The following TENM3 variants were observed in gnomAD, a reference collection of about 807,000 sequenced individuals.
TENM3 encodes the protein teneurin-3.
In TENM3, 63 loss-of-function variants were observed where a neutral mutation model predicts 255.1. The ratio of observed to expected loss-of-function variants is 0.25; its 90% CI spans 0.20 to 0.30. The LOEUF (loss-of-function observed/expected upper bound fraction) is 0.30. TENM3 is among the 10% of genes least tolerant of loss of function. The pLI is 1.00. For missense variants in TENM3, 2,929 were observed against 3,461.1 expected (o/e 0.85, Z 3.86); for synonymous variants, 1,306 against 1,322.3 (o/e 0.99, Z 0.27).
intron 3 of TENM3, among the ~76,000 whole-genome samples, chr4:182,386,628 G>A (rs977688749): frequency 3.4e-5 from 5 of 148,050 alleles, no homozygotes; most frequent in Admixed American, 2.9e-4. Flanking sequence ...CCGGGTGGGC[G>A]TGGGCTTGGC....
At chr4:181,873,026 G>C in the TENM3 span, among the ~76,000 whole-genome samples, 1 of 151,562 alleles carries the variant, frequency 6.6e-6, no homozygotes, top group Admixed American at 6.6e-5. Flanking sequence ...TACTTAGGAG[G>C]TAATTAAAAT....
intron 24 of TENM3, among the ~76,000 whole-genome samples, chr4:182,785,801 G>T (rs530994809): frequency 1.4e-5 from 2 of 143,684 alleles, no homozygotes; most frequent in East Asian, 4.4e-4. Flanking sequence ...GACTTGAAAA[G>T]TTGCCCTGAC....
chr4:181,511,851 G>C, the TENM3 span, among the ~76,000 whole-genome samples: 3 of 152,066 alleles, frequency 2.0e-5, no homozygotes, highest in South Asian at 4.1e-4. Flanking sequence ...ATTTCCAAAA[G>C]AAAGGCTTAA....
chr4:181,477,044 A>G, the TENM3 span, among the ~76,000 whole-genome samples: 6 of 150,064 alleles, frequency 4.0e-5, no homozygotes, highest in African/African-American at 1.2e-4. Context: ...AATTTGCTCA[A>G]GAGAAGAAAG....
the TENM3 span, among the ~76,000 whole-genome samples, chr4:181,870,820 T>TGA: frequency 2.6e-4 from 39 of 152,232 alleles, no homozygotes; most frequent in African/African-American, 8.9e-4. Flanking sequence ...ATGACATTGA[T>TGA]CAATATTTTC....
intron 2 of TENM3, among the ~76,000 whole-genome samples, chr4:182,346,051 C>T (rs1561346653): frequency 1.4e-5 from 2 of 147,578 alleles, no homozygotes; most frequent in Non-Finnish European, 3.0e-5. Flanking sequence ...TATACACCCA[C>T]CCCACACACA....
the TENM3 span, among the ~76,000 whole-genome samples, chr4:181,627,909 T>C: frequency 1.3e-5 from 2 of 152,174 alleles, no homozygotes; most frequent in Non-Finnish European, 2.9e-5. Flanking sequence ...GAGGAATCCC[T>C]GCACTGTCTT....
chr4:181,757,136 T>C, the TENM3 span, among the ~76,000 whole-genome samples: 94 of 152,152 alleles, frequency 6.2e-4, no homozygotes, highest in Non-Finnish European at 1.2e-3. Context: ...TTGTCAACAG[T>C]TTCTTGAAAA....
intron 3 of TENM3, among the ~76,000 whole-genome samples, chr4:182,544,991 C>T (rs577710617): frequency 2.3e-4 from 35 of 152,282 alleles, no homozygotes; most frequent in Middle Eastern, 3.4e-3. Flanking sequence ...ATATTGAAAA[C>T]GTACATGCTG....
chr4:181,754,563 A>G, the TENM3 span, among the ~76,000 whole-genome samples: 1 of 152,182 alleles, frequency 6.6e-6, no homozygotes, highest in East Asian at 1.9e-4. Context: ...GAACATTTCA[A>G]TAGAAAGTGC....
At chr4:181,820,060 T>C in the TENM3 span, 1 of 151,588 alleles carries the variant, frequency 6.6e-6, no homozygotes, top group South Asian at 2.1e-4. Context: ...TTTCATGAAA[T>C]GGGTTTCAGC....
At position 182,600,918 on chromosome 4, in the gene TENM3, TTTCAG is replaced by T; in HGVS notation, c.512-5_512-1del. ...CTTTCTTTTTTTTTTTTTTTTTTTT[TTTCAG>T]AGCAACCTGCAAGCAATCAAGGCCA... On this transcript the variant is annotated splice_acceptor_variant and splice_polypyrimidine_tract_variant and intron_variant, in intron 3 of 27. Coordinates refer to ENST00000511685, the MANE Select transcript of TENM3 (RefSeq NM_001080477.4). LOFTEE classifies it high-confidence loss of function. 1 of 1,423,084 alleles carries T rather than the reference TTTCAG, an allele frequency of 7.0e-7. No individual in the cohort carries two copies. Among genetic ancestry groups the T allele is most frequent in the Non-Finnish European group, 9.5e-7 (1 of 1,052,136 alleles). 88.2% of individuals were successfully genotyped at this position (1,423,084 alleles called of 1,614,324 possible).
the TENM3 span, among the ~76,000 whole-genome samples, chr4:182,115,761 G>A: frequency 3.9e-4 from 59 of 151,994 alleles, no homozygotes; most frequent in African/African-American, 1.3e-3. Context: ...TCTCTGGTCC[G>A]TACTATCCAT....
Position 182,346,558 on chromosome 4 carries a change from T to A in TENM3, c.233-93T>A, listed in dbSNP as rs1314332120. 7.8e-6 allele frequency: 9 copies of A among 1,152,268 alleles called. No individual in the cohort carries two copies. In the East Asian group the frequency reaches 2.3e-4, roughly 30 times the overall value. The allele number at this position is 1,152,268 out of a possible 1,614,324, so 71.4% of individuals were successfully genotyped here. A position where few individuals can be genotyped will look rare whatever the true frequency, so the allele number is the denominator to read the frequency against. On this transcript the variant is annotated intron_variant, in intron 2 of 27. Coordinates refer to ENST00000511685, the MANE Select transcript of TENM3 (RefSeq NM_001080477.4). ...AAAAGCCTAAATGTTTGAGTGTTTATTTCTGAAAGACATTCTTAAAAAAAA... is the reference window on the plus strand; with the variant it reads ...AAAAGCCTAAATGTTTGAGTGTTTAATTCTGAAAGACATTCTTAAAAAAAA...
At chr4:182,730,368 C>CT (rs1347165093) in intron 15 of TENM3, 49 bp downstream of exon 15, 2 of 1,602,242 alleles carry the variant, frequency 1.2e-6, no homozygotes, top group East Asian at 4.5e-5. Context: ...AATATAAAAA[C>CT]TAGACCTTCC....
At chr4:182,087,552 A>G in the TENM3 span, among the ~76,000 whole-genome samples, 12 of 152,182 alleles carry the variant, frequency 7.9e-5, no homozygotes, top group Admixed American at 4.6e-4. Context: ...CAGGTTGAAG[A>G]CAGCATTAAT....
chr4:181,979,238 G>A, the TENM3 span, among the ~76,000 whole-genome samples: 1,656 of 143,320 alleles, frequency 0.012, 34 homozygotes, highest in African/African-American at 0.04. Context: ...TTTTTTCTTC[G>A]TATTTCTTAT....
intron 4 of TENM3, among the ~76,000 whole-genome samples, chr4:182,605,363 A>G (rs1264137636): frequency 6.6e-6 from 1 of 152,138 alleles, no homozygotes; most frequent in Non-Finnish European, 1.5e-5. Context: ...GGGAAAAGGA[A>G]TATTACTGAA....
At chr4:181,732,530 A>G in the TENM3 span, among the ~76,000 whole-genome samples, 41 of 152,186 alleles carry the variant, frequency 2.7e-4, 1 homozygote, top group African/African-American at 9.7e-4. Context: ...CCTTTTTCAT[A>G]AATCAGGTAG....
Sources: gnomAD v4.1 joint callset for allele counts (sites outside exome capture counted in the v4.1 genomes callset) on GRCh38, gnomAD v4.1.1 for gene constraint, MANE v1.5 for transcripts, NCBI Gene and HGNC (gene_info 2026-07-23, HGNC 2026-07-21) for gene names.